MEGF10: variants seen among roughly 807,000 people sequenced by gnomAD.
MEGF10 encodes the protein multiple epidermal growth factor-like domains protein 10.
MEGF10 carries 86 observed loss-of-function variants against 147.5 expected under a neutral mutation model. The ratio of observed to expected loss-of-function variants is 0.58; its 90% CI spans 0.49 to 0.70. The LOEUF (loss-of-function observed/expected upper bound fraction) is 0.70. MEGF10 is among the 30% of genes least tolerant of loss of function. The probability of loss-of-function intolerance (pLI) is 0.00; values close to 1 mark genes in which losing one functional copy is unlikely to be tolerated. For missense variants in MEGF10, 1,329 were observed against 1,487.3 expected, an observed-to-expected ratio of 0.89 and a Z score of 1.75; for synonymous variants, 478 against 525.5, an observed-to-expected ratio of 0.91 and a Z score of 1.24.
the MEGF10 span, among the ~76,000 whole-genome samples, chr5:127,246,658 G>T: frequency 6.6e-6 from 1 of 150,508 alleles, no homozygotes; most frequent in African/African-American, 2.4e-5. Flanking sequence ...AGAGTAGTTT[G>T]TAATGTGGTT....
chr5:127,323,859 C>T (rs892522722), intron 1 of MEGF10, among the ~76,000 whole-genome samples: 3 of 152,102 alleles, frequency 2.0e-5, no homozygotes, highest in Non-Finnish European at 2.9e-5. Flanking sequence ...ACTCACACAG[C>T]TGTTAGCAGG....
chr5:127,288,174 A>C (rs1020177535), upstream of MEGF10, among the ~76,000 whole-genome samples: 1 of 152,224 alleles, frequency 6.6e-6, no homozygotes. Context: ...AATCTTCATG[A>C]CCTTGGGGTA....
the MEGF10 span, among the ~76,000 whole-genome samples, chr5:127,255,538 G>C: frequency 2.7e-3 from 416 of 152,236 alleles, 2 homozygotes; most frequent in Middle Eastern, 0.017. Flanking sequence ...AGGACAGCCA[G>C]CCTATGAAGC....
intron 4 of MEGF10, among the ~76,000 whole-genome samples, chr5:127,367,528 T>C (rs1290459236): frequency 6.6e-6 from 1 of 152,148 alleles, no homozygotes; most frequent in Non-Finnish European, 1.5e-5. Context: ...ATGAAGTTAA[T>C]TGGTGAGAAC....
At chr5:127,343,785 T>C (rs1410189938) in intron 4 of MEGF10, among the ~76,000 whole-genome samples, 1 of 151,610 alleles carries the variant, frequency 6.6e-6, no homozygotes, top group Non-Finnish European at 1.5e-5. Context: ...ACCCCGTCTC[T>C]TAAAAAAAAA....
intron 8 of MEGF10, among the ~76,000 whole-genome samples, chr5:127,404,570 C>A (rs1367836962): frequency 2.0e-5 from 3 of 152,072 alleles, no homozygotes; most frequent in Non-Finnish European, 4.4e-5. Context: ...TCTTTTAATG[C>A]TCTTGAATCT....
At chr5:127,299,551 G>C (rs1759677918) in intron 1 of MEGF10, among the ~76,000 whole-genome samples, 2 of 152,144 alleles carry the variant, frequency 1.3e-5, no homozygotes, top group Non-Finnish European at 2.9e-5. Flanking sequence ...GTCAGAAGAA[G>C]ATTCAAATTC....
intron 22 of MEGF10, among the ~76,000 whole-genome samples, chr5:127,449,523 A>G (rs1438159606): frequency 6.6e-6 from 1 of 152,226 alleles, no homozygotes; most frequent in Non-Finnish European, 1.5e-5. Flanking sequence ...CAAGTACTCT[A>G]ATAGGTGGGT....
At chr5:127,397,115 C>G (rs897101173) in intron 6 of MEGF10, among the ~76,000 whole-genome samples, 4 of 152,032 alleles carry the variant, frequency 2.6e-5, no homozygotes, top group Admixed American at 6.5e-5. Flanking sequence ...TTGGATCTCC[C>G]GAGAATATGT....
At chr5:127,247,418 A>G in the MEGF10 span, among the ~76,000 whole-genome samples, 92 of 87,250 alleles carry the variant, frequency 1.1e-3, 5 homozygotes, top group African/African-American at 2.4e-3. Flanking sequence ...AAGAAGAAGA[A>G]GAAGAAGAAG....
intron 22 of MEGF10, among the ~76,000 whole-genome samples, chr5:127,454,313 C>T (rs891230531): frequency 3.3e-5 from 5 of 152,144 alleles, no homozygotes; most frequent in Admixed American, 6.5e-5. Flanking sequence ...TATCTCTGGG[C>T]CTCAGTTTCT....
At chr5:127,254,171 A>C in the MEGF10 span, among the ~76,000 whole-genome samples, 1 of 152,072 alleles carries the variant, frequency 6.6e-6, no homozygotes, top group African/African-American at 2.4e-5. Context: ...TCAGTTTTGA[A>C]TATTATCTAT....
chr5:127,369,097 G>A (rs1762755914), intron 4 of MEGF10, among the ~76,000 whole-genome samples: 1 of 152,088 alleles, frequency 6.6e-6, no homozygotes, highest in South Asian at 2.1e-4. Flanking sequence ...TAAAATTTTA[G>A]AATATCCGAA....
At chr5:127,340,703 T>C in intron 4 of MEGF10, 73 bp downstream of exon 4, 1 of 1,229,528 alleles carries the variant, frequency 8.1e-7, no homozygotes, top group Non-Finnish European at 1.2e-6. Context: ...TAATAGCAGC[T>C]GAGACAGAGG....
intron 10 of MEGF10, among the ~76,000 whole-genome samples, chr5:127,418,455 A>G (rs1290426499): frequency 6.6e-6 from 1 of 152,264 alleles, no homozygotes; most frequent in Non-Finnish European, 1.5e-5. Flanking sequence ...CACATAATGT[A>G]GAACTGGTGG....
At chr5:127,311,682 C>T (rs1055441330) in intron 1 of MEGF10, among the ~76,000 whole-genome samples, 10 of 152,304 alleles carry the variant, frequency 6.6e-5, no homozygotes, top group Admixed American at 2.6e-4. Flanking sequence ...TGAATGATGA[C>T]ATACTTCATA....
At chr5:127,284,725 C>T in the MEGF10 span, among the ~76,000 whole-genome samples, 4 of 152,186 alleles carry the variant, frequency 2.6e-5, no homozygotes, top group Admixed American at 6.5e-5. Context: ...AGTTTACACT[C>T]TGCTGTAACC....
chr5:127,440,263 C>G (rs1428696013), intron 17 of MEGF10, among the ~76,000 whole-genome samples: 1 of 152,058 alleles, frequency 6.6e-6, no homozygotes, highest in East Asian at 1.9e-4. Context: ...TTGATATTAT[C>G]TAAGATAATA....
intron 5 of MEGF10, among the ~76,000 whole-genome samples, chr5:127,389,815 A>G (rs1056116332): frequency 3.9e-5 from 6 of 152,124 alleles, no homozygotes; most frequent in African/African-American, 1.4e-4. Flanking sequence ...AAAAATAACT[A>G]TTAGGTACTA....
Sources: allele counts gnomAD v4.1 joint callset (sites outside exome capture counted in the v4.1 genomes callset), GRCh38; gene constraint gnomAD v4.1.1; transcripts MANE v1.5; gene names NCBI Gene and HGNC (gene_info 2026-07-23, HGNC 2026-07-21).